The following WBP4 variants were observed in gnomAD, a reference collection of about 807,000 sequenced individuals.
WBP4 encodes WW domain-binding protein 4.
In WBP4, 37 loss-of-function variants were observed where a neutral mutation model predicts 55.4. The observed-to-expected ratio is 0.67, with a 90% CI of 0.51 to 0.88. The LOEUF (loss-of-function observed/expected upper bound fraction) is 0.88. Ranked by LOEUF, WBP4 falls within the 40% of genes least tolerant of loss-of-function variation. WBP4 has a pLI of 0.00. For missense variants in WBP4, 398 were observed against 420.8 expected, an observed-to-expected ratio of 0.95 and a Z score of 0.47; for synonymous variants, 142 against 140.2, an observed-to-expected ratio of 1.01 and a Z score of -0.09.
At chr13:41,071,213 C>T (rs1258738367) in intron 5 of WBP4, among the ~76,000 whole-genome samples, 1 of 152,176 alleles carries the variant, frequency 6.6e-6, no homozygotes, top group Non-Finnish European at 1.5e-5. Flanking sequence ...CCCAAGATAT[C>T]AAAAGGCCTT....
At chr13:41,073,613 G>A (rs955758648) in intron 7 of WBP4, among the ~76,000 whole-genome samples, 9 of 151,860 alleles carry the variant, frequency 5.9e-5, no homozygotes, top group African/African-American at 1.9e-4. Context: ...TCAGGAGTTC[G>A]AGACCAGCCT....
At chr13:41,070,026 C>T (rs115267489) in intron 5 of WBP4, among the ~76,000 whole-genome samples, 1 of 152,088 alleles carries the variant, frequency 6.6e-6, no homozygotes, top group African/African-American at 2.4e-5. Flanking sequence ...ATTTATTCTA[C>T]ATTTATGTAG....
chr13:41,061,637 G>A lies in WBP4; in HGVS notation c.-37G>A. The A allele has an allele frequency of 6.2e-7, 1 of 1,614,154 alleles. No homozygotes were observed. The highest frequency in any genetic ancestry group is 8.5e-7 in the Non-Finnish European group (1 of 1,180,030). Reference sequence around the variant, plus strand: ...CCGCTGGGAAAGCGCGAGTCTGAGTGGAACCCTGGACGACTTGCAGAGCGG... The same window carrying A: ...CCGCTGGGAAAGCGCGAGTCTGAGTAGAACCCTGGACGACTTGCAGAGCGG... On this transcript the variant is annotated 5_prime_UTR_variant, in exon 1 of 10. Coordinates refer to ENST00000379487, the MANE Select transcript of WBP4 (RefSeq NM_007187.5).
intron 9 of WBP4, among the ~76,000 whole-genome samples, chr13:41,081,325 T>G (rs1249560352): frequency 6.6e-6 from 1 of 151,274 alleles, no homozygotes; most frequent in African/African-American, 2.4e-5. Flanking sequence ...ATGGCAAAAC[T>G]TTCTCTCTAC....
intron 7 of WBP4, among the ~76,000 whole-genome samples, chr13:41,074,643 G>T (rs1878397551): frequency 1.3e-5 from 2 of 152,186 alleles, no homozygotes; most frequent in South Asian, 4.1e-4. Context: ...GTAAGGTCAT[G>T]AATGTCATAT....
intron 6 of WBP4, among the ~76,000 whole-genome samples, chr13:41,071,852 C>T (rs1400924293): frequency 6.6e-6 from 1 of 151,868 alleles, no homozygotes; most frequent in Non-Finnish European, 1.5e-5. Flanking sequence ...ACCAGCCTGG[C>T]CAAGATGGTG....
intron 8 of WBP4, among the ~76,000 whole-genome samples, chr13:41,079,235 A>C (rs948143228): frequency 6.6e-6 from 1 of 152,168 alleles, no homozygotes. Context: ...TGAAAATCAC[A>C]AGGAGATACC....
chr13:41,069,705 C>CAAA (rs35819905), intron 5 of WBP4, among the ~76,000 whole-genome samples: 5 of 75,862 alleles, frequency 6.6e-5, no homozygotes, highest in African/African-American at 1.9e-4. Flanking sequence ...GACTCTGCCT[C>CAAA]AAAAAAAAAA....
At chr13:41,077,990 A>G (rs561600791) in intron 8 of WBP4, among the ~76,000 whole-genome samples, 2 of 152,256 alleles carry the variant, frequency 1.3e-5, no homozygotes. Flanking sequence ...AAGAAATCAT[A>G]GATGATACAC....
chr13:41,064,390 A>G (rs949777818), intron 2 of WBP4, among the ~76,000 whole-genome samples: 1 of 152,160 alleles, frequency 6.6e-6, no homozygotes, highest in Non-Finnish European at 1.5e-5. Context: ...AGGTATATCT[A>G]TAGAATAAAT....
At chr13:41,078,501 G>T (rs1878600545) in intron 8 of WBP4, among the ~76,000 whole-genome samples, 1 of 152,180 alleles carries the variant, frequency 6.6e-6, no homozygotes, top group Non-Finnish European at 1.5e-5. Flanking sequence ...ATGGATTAAA[G>T]ACTTAAATGT....
rs759823593 is a variant in WBP4, at chr13:41,065,250, A to T, written c.225A>T (p.Ala75=). The T allele has an allele frequency of 6.2e-7, 1 of 1,609,250 alleles. No individual in the cohort carries two copies. The highest frequency in any genetic ancestry group is 1.1e-5 in the South Asian group (1 of 89,798). The change falls in exon 4 of 10, where the codon GCA becomes GCT. Residue 75 remains alanine, a synonymous_variant. Transcript: ENST00000379487. Reference sequence around the variant, plus strand: ...CAATGGAGGCAGCTGCCCTGAAAGCATACCAAGAGGATTTGAAAAGACTTG... The same window carrying T: ...CAATGGAGGCAGCTGCCCTGAAAGCTTACCAAGAGGATTTGAAAAGACTTG... The part of the protein sequence containing the change: ...FAAMEAAALK[A]YQEDLKRLGL...
At chr13:41,081,953 T>C (rs930553823) in intron 9 of WBP4, among the ~76,000 whole-genome samples, 13 of 152,234 alleles carry the variant, frequency 8.5e-5, no homozygotes, top group Non-Finnish European at 1.8e-4. Context: ...CAGAGTCTCA[T>C]AGATGGGACT....
intron 9 of WBP4, among the ~76,000 whole-genome samples, chr13:41,082,156 C>G (rs1351967147): frequency 6.6e-6 from 1 of 152,146 alleles, no homozygotes; most frequent in African/African-American, 2.4e-5. Context: ...TCCATTCAGT[C>G]TTCTACAATA....
intron 7 of WBP4, among the ~76,000 whole-genome samples, chr13:41,073,761 C>G (rs746270091): frequency 6.6e-6 from 1 of 151,900 alleles, no homozygotes; most frequent in Non-Finnish European, 1.5e-5. Context: ...GAGCCAAGAT[C>G]GCACCACTGC....
In WBP4 at chr13:41,082,710, G is replaced by C; in HGVS notation, c.927G>C (p.Glu309Asp). Reference protein sequence around the residue: ...EIKQEVESHEEVDLELPSTEN... With the variant: ...EIKQEVESHEDVDLELPSTEN... Reference sequence around the variant, plus strand: ...ACTTTAACTCTATTTCCAGTGAGGAGGTAGATTTGGAACTTCCAAGCACTG... The same window carrying C: ...ACTTTAACTCTATTTCCAGTGAGGACGTAGATTTGGAACTTCCAAGCACTG... Residue 309 changes from glutamate (E) to aspartate (D), a missense_variant, in exon 10 of 10, where the codon GAG becomes GAC. Glu to Asp is a conservative substitution (Grantham distance 45). Transcript: ENST00000379487. 6.2e-7 allele frequency: 1 copy of C among 1,613,850 alleles called. No individual in the cohort carries two copies. Among genetic ancestry groups the C allele is most frequent in the Non-Finnish European group, 8.5e-7 (1 of 1,179,940 alleles).
chr13:41,062,088 G>T, intron 1 of WBP4: 1 of 965,048 alleles, frequency 1.0e-6, no homozygotes, highest in Non-Finnish European at 1.2e-6. Context: ...GCCCTGGATA[G>T]CGTAATGGTT....
chr13:41,079,541 C>CAAAAAA (rs35433682), intron 8 of WBP4, among the ~76,000 whole-genome samples: 4 of 101,696 alleles, frequency 3.9e-5, no homozygotes, highest in Non-Finnish European at 7.8e-5. Flanking sequence ...GACTCCGTCT[C>CAAAAAA]AAAAAAAAAA....
intron 9 of WBP4, among the ~76,000 whole-genome samples, chr13:41,081,691 A>G (rs778577541): frequency 5.3e-5 from 8 of 152,010 alleles, no homozygotes; most frequent in East Asian, 1.9e-4. Context: ...GCCCACGCCT[A>G]TAAGCCCAGT....
Sources: gnomAD v4.1 joint callset for allele counts (sites outside exome capture counted in the v4.1 genomes callset) on GRCh38, gnomAD v4.1.1 for gene constraint, MANE v1.5 for transcripts, NCBI Gene and HGNC (gene_info 2026-07-23, HGNC 2026-07-21) for gene names.